The following BCAS3 variants were observed in gnomAD, a reference collection of about 807,000 sequenced individuals.
The protein encoded by BCAS3 is BCAS3 microtubule associated cell migration factor.
In BCAS3, 53 loss-of-function variants were observed where a neutral mutation model predicts 116.1. The ratio of observed to expected loss-of-function variants is 0.46; its 90% CI spans 0.37 to 0.57. The LOEUF is 0.57. Among genes scored for constraint, BCAS3 ranks in the 20% least tolerant of loss-of-function variants. The pLI is 0.00. For missense variants in BCAS3, 917 were observed against 1,165.4 expected (o/e 0.79, Z 3.10); for synonymous variants, 391 against 408.2 (o/e 0.96, Z 0.51).
chr17:60,735,683 G>A (rs1393053090), intron 5 of BCAS3, among the ~76,000 whole-genome samples: 1 of 151,994 alleles, frequency 6.6e-6, no homozygotes, highest in African/African-American at 2.4e-5. Flanking sequence ...CAAACTCCTG[G>A]GTTCAAGCGA....
intron 11 of BCAS3, among the ~76,000 whole-genome samples, chr17:60,904,211 C>G (rs1418020686): frequency 6.6e-6 from 1 of 151,518 alleles, no homozygotes; most frequent in Non-Finnish European, 1.5e-5. Flanking sequence ...CAAGATCAGC[C>G]TGGCCAACAT....
Position 60,689,696 on chromosome 17 carries a change from G to T in BCAS3, c.149G>T (p.Gly50Val). ...LQDVVPQAYS[G>V]TPLTEEKEKI... is the part of the protein sequence containing the mutation. ...CTGTTTACTATGCAGGCTTACAGTG[G>T]AACACCTCTAACAGAAGAAAAGGAG... Residue 50 changes from glycine (G) to valine (V), a missense_variant, in exon 4 of 24, where the codon GGA (glycine) becomes GTA (valine). Transcript: ENST00000407086. 1 of 1,600,642 alleles carries T rather than the reference G, an allele frequency of 6.2e-7. No homozygotes were observed. The highest frequency in any genetic ancestry group is 8.6e-7 in the Non-Finnish European group (1 of 1,168,670).
chr17:60,909,590 C>T (rs1027985179), intron 11 of BCAS3, among the ~76,000 whole-genome samples: 8 of 151,946 alleles, frequency 5.3e-5, no homozygotes, highest in Non-Finnish European at 1.2e-4. Context: ...AATGATGATA[C>T]CCTTCTTCAG....
At position 61,015,788 on chromosome 17, in the gene BCAS3, C is replaced by G; in HGVS notation, c.1524C>G (p.Thr508=). 1 of 1,613,766 alleles carries G rather than the reference C, an allele frequency of 6.2e-7. No homozygotes were observed. The highest frequency in any genetic ancestry group is 8.5e-7 in the Non-Finnish European group (1 of 1,179,872). The change falls in exon 16 of 24, where the codon ACC becomes ACG. Residue 508 remains threonine, a synonymous_variant. Coordinates refer to ENST00000407086, the MANE Select transcript of BCAS3 (RefSeq NM_017679.5). ...LNSQDSYNNF[T]NNNPGNPRLS... The stretch of plus-strand genomic sequence containing the variant: ...GCCAAGACTCCTATAACAATTTTAC[C>G]AACAACAACCCTGGCAACCCTCGGC...
intron 22 of BCAS3, among the ~76,000 whole-genome samples, chr17:61,232,367 T>C (rs1396381021): frequency 6.6e-6 from 1 of 151,856 alleles, no homozygotes; most frequent in Non-Finnish European, 1.5e-5. Context: ...TGACAGATAC[T>C]GATTGTAATG....
rs548955774 is a variant in BCAS3, at chr17:61,131,005, G to T, written c.2425+46441G>T. ...TGGGAGGCGGAGGTTGCAGTGAGCCGAGATTGCGCCACTGCACTCCAGTCT... is the reference window on the plus strand; with the variant it reads ...TGGGAGGCGGAGGTTGCAGTGAGCCTAGATTGCGCCACTGCACTCCAGTCT... On this transcript the variant is annotated intron_variant, in intron 22 of 23. Coordinates refer to ENST00000407086, the MANE Select transcript of BCAS3 (RefSeq NM_017679.5). This position sits in a 1 kb window ranked among gnomAD's most constrained non-coding sequence, Gnocchi z 4.4. 1.8e-4 allele frequency: 28 copies of T among 152,200 alleles called. No homozygotes were observed. The highest frequency in any genetic ancestry group is 3.5e-4 in the Non-Finnish European group (24 of 68,130). The allele number at this position is 152,200 out of a possible 1,614,324, so 9.4% of individuals were successfully genotyped here. A position where few individuals can be genotyped will look rare whatever the true frequency, so the allele number is the denominator to read the frequency against.
intron 9 of BCAS3, among the ~76,000 whole-genome samples, chr17:60,886,760 GGTCAGGA>G (rs2056679877): frequency 6.6e-6 from 1 of 152,124 alleles, no homozygotes; most frequent in East Asian, 1.9e-4. Flanking sequence ...GCTGCTCGGG[GGTCAGGA>G]GTCAGGGACC....
intron 22 of BCAS3, among the ~76,000 whole-genome samples, chr17:61,305,384 C>G (rs2053771250): frequency 6.6e-6 from 1 of 152,130 alleles, no homozygotes; most frequent in African/African-American, 2.4e-5. Context: ...GAAGAAAAGC[C>G]TGGCATACTA....
At chr17:61,147,824 T>C (rs1215602113) in intron 22 of BCAS3, among the ~76,000 whole-genome samples, 3 of 151,958 alleles carry the variant, frequency 2.0e-5, no homozygotes, top group Admixed American at 6.6e-5. Context: ...CCATCTCTAC[T>C]AAAAATACAA....
At chr17:60,933,943 A>G (rs2059791034) in intron 13 of BCAS3, among the ~76,000 whole-genome samples, 1 of 152,042 alleles carries the variant, frequency 6.6e-6, no homozygotes, top group African/African-American at 2.4e-5. Flanking sequence ...CATGTAATGG[A>G]TTTACTCTCT....
At chr17:60,824,583 A>G (rs1008772473) in intron 7 of BCAS3, among the ~76,000 whole-genome samples, 7 of 152,338 alleles carry the variant, frequency 4.6e-5, no homozygotes, top group Non-Finnish European at 8.8e-5. Context: ...AGTGAATCCT[A>G]CATGACTTTT....
At chr17:60,945,526 C>A (rs1027249497) in intron 13 of BCAS3, among the ~76,000 whole-genome samples, 4 of 152,150 alleles carry the variant, frequency 2.6e-5, no homozygotes, top group African/African-American at 9.7e-5. Context: ...CTTGGCCTGG[C>A]ATGGTAGTTC....
At position 61,332,526 on chromosome 17, in the gene BCAS3, C is replaced by T. The variant is rs1461435084; in HGVS notation, c.2426-35801C>T. Among the ~76,000 whole-genome samples, 1 of 152,196 alleles carries T rather than the reference C, an allele frequency of 6.6e-6. No individual in the cohort carries two copies. The highest frequency in any genetic ancestry group is 2.4e-5 in the African/African-American group (1 of 41,458). ...AAAGAATCTCCTAAAGAGACTGTTG[C>T]AGTTTTACAGAGTTCTTTCCAACTG... On this transcript the variant is annotated intron_variant, in intron 22 of 23. Coordinates refer to ENST00000407086, the MANE Select transcript of BCAS3 (RefSeq NM_017679.5). This position sits in a 1 kb window ranked among gnomAD's most constrained non-coding sequence, Gnocchi z 5.4.
At position 61,037,433 on chromosome 17, in the gene BCAS3, G is replaced by A. The variant is rs915385154; in HGVS notation, c.1763-456G>A. Among the ~76,000 whole-genome samples the A allele has an allele frequency of 2.0e-5, 3 of 152,176 alleles. No individual in the cohort carries two copies. Among genetic ancestry groups the A allele is most frequent in the Non-Finnish European group, 4.4e-5 (3 of 68,032 alleles). On this transcript the variant is annotated intron_variant, in intron 17 of 23. Coordinates refer to ENST00000407086, the MANE Select transcript of BCAS3 (RefSeq NM_017679.5). This position sits in a 1 kb window ranked among gnomAD's most constrained non-coding sequence, Gnocchi z 4.7. Reference sequence around the variant, plus strand: ...GACATTTTCATATTCACTAGCATGTGCTTATACGAGGCAACCTTTAGGCAA... The same window carrying A: ...GACATTTTCATATTCACTAGCATGTACTTATACGAGGCAACCTTTAGGCAA...
At chr17:61,357,689 A>G (rs993508708) in intron 22 of BCAS3, among the ~76,000 whole-genome samples, 2 of 149,198 alleles carry the variant, frequency 1.3e-5, no homozygotes, top group Non-Finnish European at 3.0e-5. Flanking sequence ...TTATCTACCC[A>G]CCTCAGCCTC....
In BCAS3 at chr17:61,258,949, G is replaced by A. The variant is rs2048993545; in HGVS notation, c.2426-109378G>A. On this transcript the variant is annotated intron_variant, in intron 22 of 23. Coordinates refer to ENST00000407086, the MANE Select transcript of BCAS3 (RefSeq NM_017679.5). This position sits in a 1 kb window ranked among gnomAD's most constrained non-coding sequence, Gnocchi z 4.7. ...TTGCAGTGAGCTTTGAGCTCTTGGG[G>A]ATTCTTGTTTTGTTTCTGATTAAAA... 6.6e-6 allele frequency among the ~76,000 whole-genome samples: 1 copy of A among 152,194 alleles called. No homozygotes were observed. The highest frequency in any genetic ancestry group is 2.1e-4 in the South Asian group (1 of 4,822).
At chr17:60,752,365 C>A (rs2042554876) in intron 6 of BCAS3, among the ~76,000 whole-genome samples, 1 of 151,646 alleles carries the variant, frequency 6.6e-6, no homozygotes, top group Admixed American at 6.6e-5. Flanking sequence ...AAAAAGTATA[C>A]AAGGAATTTT....
At chr17:61,283,205 C>A (rs2051391751) in intron 22 of BCAS3, among the ~76,000 whole-genome samples, 3 of 152,012 alleles carry the variant, frequency 2.0e-5, no homozygotes, top group Non-Finnish European at 4.4e-5. Context: ...CAAAGGTGAC[C>A]ATTTTTACTG....
intron 7 of BCAS3, among the ~76,000 whole-genome samples, chr17:60,812,583 A>G (rs1268366951): frequency 6.6e-6 from 1 of 152,172 alleles, no homozygotes. Context: ...GAGGAGATTT[A>G]TGACAAATGA....
Sources: gnomAD v4.1 joint callset for allele counts (sites outside exome capture counted in the v4.1 genomes callset) on GRCh38, gnomAD v4.1.1 for gene constraint, Gnocchi (gnomAD v3.1) non-coding constraint, MANE v1.5 for transcripts, NCBI Gene and HGNC (gene_info 2026-07-23, HGNC 2026-07-21) for gene names.